METTL16: variants seen among roughly 807,000 people sequenced by gnomAD.
METTL16 encodes the protein RNA N(6)-adenosine-methyltransferase METTL16.
A neutral mutation model predicts 57.9 loss-of-function variants in METTL16; 19 were observed. The ratio of observed to expected loss-of-function variants is 0.33; its 90% CI spans 0.23 to 0.48. METTL16 has a LOEUF of 0.48. Among genes scored for constraint, METTL16 ranks in the 20% least tolerant of loss-of-function variants. The probability of loss-of-function intolerance (pLI) is 0.99; values close to 1 mark genes in which losing one functional copy is unlikely to be tolerated. For synonymous variants in METTL16, 246 were observed against 255.6 expected, an observed-to-expected ratio of 0.96 and a Z score of 0.36; for missense variants, 434 against 691.5, an observed-to-expected ratio of 0.63 and a Z score of 4.18.
At chr17:2,424,910 T>A (rs1013688257) in intron 8 of METTL16, among the ~76,000 whole-genome samples, 1 of 150,982 alleles carries the variant, frequency 6.6e-6, no homozygotes, top group Non-Finnish European at 1.5e-5. Flanking sequence ...ATCGCGCCAC[T>A]GCACTCCAGC....
chr17:2,496,403 A>T (rs2067445969), intron 2 of METTL16, among the ~76,000 whole-genome samples: 1 of 151,402 alleles, frequency 6.6e-6, no homozygotes, highest in Non-Finnish European at 1.5e-5. Context: ...GGATCAAATG[A>T]TCCCCCCACC....
At chr17:2,434,819 C>A (rs532613780) in intron 8 of METTL16, among the ~76,000 whole-genome samples, 1 of 152,292 alleles carries the variant, frequency 6.6e-6, no homozygotes, top group African/African-American at 2.4e-5. Context: ...CAGCCACGTC[C>A]CAGGCTTAAA....
chr17:2,423,871 A>G (rs1374642082), intron 8 of METTL16, among the ~76,000 whole-genome samples: 1 of 152,188 alleles, frequency 6.6e-6, no homozygotes, highest in African/African-American at 2.4e-5. Context: ...ATACATCTTT[A>G]CCAACCTGAC....
intron 6 of METTL16, among the ~76,000 whole-genome samples, chr17:2,443,149 C>T (rs552046283): frequency 1.3e-5 from 2 of 151,940 alleles, no homozygotes; most frequent in Admixed American, 6.6e-5. Context: ...CCACCACACC[C>T]GGCTAATTTT....
At chr17:2,481,487 C>T (rs2067306145) in intron 2 of METTL16, among the ~76,000 whole-genome samples, 1 of 151,924 alleles carries the variant, frequency 6.6e-6, no homozygotes, top group Admixed American at 6.6e-5. Context: ...AAAGCAGGCA[C>T]AATTAAACAA....
intron 2 of METTL16, among the ~76,000 whole-genome samples, chr17:2,489,676 T>G (rs1406800828): frequency 1.7e-5 from 2 of 118,302 alleles, no homozygotes; most frequent in Non-Finnish European, 3.2e-5. Flanking sequence ...GAGGTGGAGG[T>G]TGCAGTGAGC....
At chr17:2,435,807 G>T (rs994593249) in intron 8 of METTL16, among the ~76,000 whole-genome samples, 16 of 151,420 alleles carry the variant, frequency 1.1e-4, no homozygotes, top group African/African-American at 3.4e-4. Context: ...GGTAGGGGGG[G>T]AATCTGGGGC....
rs1460436738 is a variant in METTL16, at chr17:2,419,623, G to A, written c.*347C>T. On this transcript the variant is annotated 3_prime_UTR_variant, in exon 10 of 10. Transcript: ENST00000263092. ...GAGACAGCATGATATTCTAGGCAGT[G>A]CTGCCCAGCCCAGACTCCACAAACA... 1 of 501,342 alleles carries A rather than the reference G, an allele frequency of 2.0e-6. No individual in the cohort carries two copies. Among genetic ancestry groups the A allele is most frequent in the South Asian group, 1.5e-5 (1 of 64,938 alleles). The allele number at this position is 501,342 out of a possible 1,614,324, so 31.1% of individuals were successfully genotyped here.
chr17:2,454,557 A>C (rs896135923), intron 6 of METTL16, among the ~76,000 whole-genome samples: 1 of 140,434 alleles, frequency 7.1e-6, no homozygotes, highest in Non-Finnish European at 1.5e-5. Flanking sequence ...CTATATTATT[A>C]TTATTATTTT....
chr17:2,421,315 A>C (rs1328822203), intron 8 of METTL16, among the ~76,000 whole-genome samples: 1 of 152,122 alleles, frequency 6.6e-6, no homozygotes, highest in African/African-American at 2.4e-5. Flanking sequence ...TGATTGCGCC[A>C]CCGCAATCTA....
chr17:2,498,093 C>A (rs1244654264), intron 2 of METTL16, among the ~76,000 whole-genome samples: 1 of 150,018 alleles, frequency 6.7e-6, no homozygotes, highest in African/African-American at 2.5e-5. Flanking sequence ...ACTCAGGAGG[C>A]TGAGGCAGGA....
Position 2,477,869 on chromosome 17 carries a change from G to C in METTL16, c.145C>G (p.Pro49Ala), listed in dbSNP as rs1199459258. The change falls in exon 3 of 10, where the codon CCC (proline) becomes GCC (alanine). Residue 49 changes from proline to alanine, a missense_variant. Transcript: ENST00000263092. ...CACGTCAGAGCTCTGACTGCTTCGG[G>C]GTCTTTAAAATTAAGGCTGAGGAAT... ...NGRVSLNFKD[P>A]EAVRALTCTL... 3 of 1,613,576 alleles carry C rather than the reference G, an allele frequency of 1.9e-6. No homozygotes were observed. The highest frequency in any genetic ancestry group is 2.2e-5 in the South Asian group (2 of 91,046).
intron 7 of METTL16, among the ~76,000 whole-genome samples, chr17:2,439,087 C>T (rs796304748): frequency 2.0e-5 from 3 of 152,028 alleles, no homozygotes; most frequent in African/African-American, 4.8e-5. Context: ...GTGGAAGTGG[C>T]GGTGGGAGTA....
rs77611182 is a variant in METTL16 at position 2,502,101 on chromosome 17, C to T, written c.128+103G>A. 1.6e-3 allele frequency: 1,926 copies of T among 1,223,492 alleles called. 10 individuals carry two copies. The African/African-American group carries it at 0.019, about 12-fold the overall frequency. The allele number at this position is 1,223,492 out of a possible 1,614,324, so 75.8% of individuals were successfully genotyped here. A position where few individuals can be genotyped will look rare whatever the true frequency, so the allele number is the denominator to read the frequency against. On this transcript the variant is annotated intron_variant, in intron 2 of 9. Coordinates refer to ENST00000263092, the MANE Select transcript of METTL16 (RefSeq NM_024086.4). ...GTGATTTGTCCAAGGTCGCATGGGA[C>T]GTTTAATCAAATGTCTAAGATTAAC... is the stretch of plus-strand genomic sequence containing the variant.
chr17:2,471,944 T>C (rs2067238050), intron 4 of METTL16, among the ~76,000 whole-genome samples: 1 of 151,558 alleles, frequency 6.6e-6, no homozygotes, highest in Non-Finnish European at 1.5e-5. Context: ...TGAAACCCCA[T>C]CTCTACTAAA....
In METTL16 at chr17:2,420,318, C is replaced by A; in HGVS notation, c.1341G>T (p.Pro447=). Reference sequence around the variant, plus strand: ...GGGACAGGGACTCCTGGCTCGGGCACGGGCCCTCCACAGCGGCAGCCTCGC... The same window carrying A: ...GGGACAGGGACTCCTGGCTCGGGCAAGGGCCCTCCACAGCGGCAGCCTCGC... The part of the protein sequence containing the change: ...REGEAAAVEG[P]CPSQESLSQE... Residue 447 remains proline (P), a synonymous_variant, in exon 10 of 10, where the codon CCG becomes CCT. Transcript: ENST00000263092. This position sits in a 1 kb window ranked among gnomAD's most constrained non-coding sequence, Gnocchi z 5.4. 6.2e-7 allele frequency: 1 copy of A among 1,612,096 alleles called. No homozygotes were observed. The highest frequency in any genetic ancestry group is 8.5e-7 in the Non-Finnish European group (1 of 1,180,010).
chr17:2,453,052 G>A (rs1052167859), intron 6 of METTL16, among the ~76,000 whole-genome samples: 2 of 152,050 alleles, frequency 1.3e-5, no homozygotes, highest in Admixed American at 6.6e-5. Context: ...TAGAGACAGG[G>A]TTTCACTGTG....
rs751430158 is a variant in METTL16 at position 2,420,950 on chromosome 17, T to C, written c.889-46A>G. The stretch of plus-strand genomic sequence containing the variant: ...AGAAAAGAGAAGAAAGTTATCCGAA[T>C]AATTAAACCTCATGCATTGTAATGA... On this transcript the variant is annotated intron_variant, in intron 8 of 9. Transcript: ENST00000263092. This position sits in a 1 kb window ranked among gnomAD's most constrained non-coding sequence, Gnocchi z 5.4. 12 of 1,589,264 alleles carry C rather than the reference T, an allele frequency of 7.6e-6. No individual in the cohort carries two copies. Among genetic ancestry groups the C allele is most frequent in the Non-Finnish European group, 2.6e-6 (3 of 1,166,340 alleles).
intron 5 of METTL16, among the ~76,000 whole-genome samples, chr17:2,465,868 A>G (rs12949174): frequency 0.36 from 54,480 of 150,228 alleles, 13,234 homozygotes; most frequent in African/African-American, 0.69. Context: ...TCCATTCCCC[A>G]CACCCCCCGA....
Sources: allele counts gnomAD v4.1 joint callset (sites outside exome capture counted in the v4.1 genomes callset), GRCh38; gene constraint gnomAD v4.1.1; non-coding constraint Gnocchi (gnomAD v3.1); transcripts MANE v1.5; gene names NCBI Gene and HGNC (gene_info 2026-07-23, HGNC 2026-07-21).